CNTNAP2: variants seen among roughly 807,000 people sequenced by gnomAD.
The protein encoded by CNTNAP2 is contactin associated protein 2, also known as contactin-associated protein-like 2.
CNTNAP2 carries 98 observed loss-of-function variants against 155.2 expected under a neutral mutation model. That is an observed-to-expected ratio of 0.63 (90% CI 0.54 to 0.75). The LOEUF (loss-of-function observed/expected upper bound fraction) is 0.75. CNTNAP2 is among the 30% of genes least tolerant of loss of function. CNTNAP2 has a pLI of 0.00. For missense variants in CNTNAP2, 1,727 were observed against 1,688.1 expected (o/e 1.02, Z -0.40); for synonymous variants, 651 against 631.2 (o/e 1.03, Z -0.47).
intron 10 of CNTNAP2, among the ~76,000 whole-genome samples, chr7:147,423,733 C>A (rs974585423): frequency 2.0e-5 from 3 of 152,150 alleles, no homozygotes; most frequent in Admixed American, 6.5e-5. Context: ...CCAAGATCAT[C>A]TCCTGGAACT....
At chr7:148,266,953 T>A in intron 20 of CNTNAP2, 80 bp from the exon 21 acceptor site, 3 of 1,275,734 alleles carry the variant, frequency 2.4e-6, no homozygotes, top group Non-Finnish European at 3.4e-6. Flanking sequence ...CAAAGAGTGA[T>A]GTCATCCCCA....
At chr7:146,926,461 G>A (rs769737860) in intron 3 of CNTNAP2, among the ~76,000 whole-genome samples, 4 of 152,068 alleles carry the variant, frequency 2.6e-5, no homozygotes, top group Non-Finnish European at 5.9e-5. Flanking sequence ...GAATTAGACT[G>A]TGAGTTTCCT....
At chr7:146,602,307 A>G (rs1220257714) in intron 1 of CNTNAP2, among the ~76,000 whole-genome samples, 1 of 152,222 alleles carries the variant, frequency 6.6e-6, no homozygotes, top group East Asian at 1.9e-4. Flanking sequence ...TGCATAGACT[A>G]GGCATGTCAA....
chr7:146,424,824 G>A (rs537809433), intron 1 of CNTNAP2, among the ~76,000 whole-genome samples: 1 of 152,056 alleles, frequency 6.6e-6, no homozygotes, highest in African/African-American at 2.4e-5. Flanking sequence ...AGAGAGAGTA[G>A]AGCCAACATG....
intron 13 of CNTNAP2, among the ~76,000 whole-genome samples, chr7:147,777,482 T>G (rs946031831): frequency 2.0e-5 from 3 of 152,204 alleles, no homozygotes; most frequent in African/African-American, 7.2e-5. Context: ...AGAGCAATCC[T>G]GGGAGCCCGG....
At chr7:147,906,656 C>T (rs181408939) in intron 14 of CNTNAP2, among the ~76,000 whole-genome samples, 2 of 152,164 alleles carry the variant, frequency 1.3e-5, no homozygotes, top group Non-Finnish European at 2.9e-5. Flanking sequence ...GTTGTGATTT[C>T]ACCATGTTGG....
At chr7:147,010,053 A>C (rs533803942) in intron 3 of CNTNAP2, among the ~76,000 whole-genome samples, 4 of 142,670 alleles carry the variant, frequency 2.8e-5, no homozygotes, top group African/African-American at 1.0e-4. Flanking sequence ...TCCATCAACC[A>C]GGCTGGAGTG....
At chr7:146,489,787 TG>T (rs1180964970) in intron 1 of CNTNAP2, among the ~76,000 whole-genome samples, 1 of 152,006 alleles carries the variant, frequency 6.6e-6, no homozygotes, top group Non-Finnish European at 1.5e-5. Flanking sequence ...AGAAGGCACG[TG>T]GGGGTGGTCT....
intron 1 of CNTNAP2, among the ~76,000 whole-genome samples, chr7:146,231,987 G>A (rs1375694862): frequency 6.6e-6 from 1 of 152,074 alleles, no homozygotes; most frequent in African/African-American, 2.4e-5. Context: ...ATATCCTGAA[G>A]GTTAAACAGA....
intron 13 of CNTNAP2, among the ~76,000 whole-genome samples, chr7:147,893,851 G>A (rs112859014): frequency 0.017 from 2,608 of 152,290 alleles, 75 homozygotes; most frequent in African/African-American, 0.057. Context: ...GAAGCTGTCT[G>A]TATTTAAGCC....
Position 147,360,580 on chromosome 7 carries a change from T to A in CNTNAP2, c.1499-35029T>A, listed in dbSNP as rs1584898610. On this transcript the variant is annotated intron_variant, in intron 9 of 23. Coordinates refer to ENST00000361727, the MANE Select transcript of CNTNAP2 (RefSeq NM_014141.6). ...TATCTAAGGCATTCATGGTGCTTTT[T>A]TCACTCTTTATATATCCTCAGTGTA... Among the ~76,000 whole-genome samples the A allele has an allele frequency of 3.9e-5, 6 of 152,284 alleles. No individual in the cohort carries two copies. In the East Asian group the frequency reaches 1.2e-3, roughly 29 times the overall value.
At chr7:147,892,550 A>T (rs1245621296) in intron 13 of CNTNAP2, among the ~76,000 whole-genome samples, 1 of 152,180 alleles carries the variant, frequency 6.6e-6, no homozygotes, top group African/African-American at 2.4e-5. Flanking sequence ...CTATTCTTTA[A>T]TACTGCTCAG....
rs540331269 is a variant in CNTNAP2 at position 146,842,980 on chromosome 7, C to T, written c.402+3076C>T. Among the ~76,000 whole-genome samples, 104 of 138,498 alleles carry T rather than the reference C, an allele frequency of 7.5e-4. 1 individual carries two copies. The highest frequency in any genetic ancestry group is 2.4e-3 in the South Asian group (10 of 4,238). 90.9% of individuals were successfully genotyped at this position (138,498 alleles called of 152,430 possible). On this transcript the variant is annotated intron_variant, in intron 3 of 23. Coordinates refer to ENST00000361727, the MANE Select transcript of CNTNAP2 (RefSeq NM_014141.6). ...GATTACAGGCACGAGCCACCACGCC[C>T]GGCCTGTCCCACACTTTTTTTTTTT...
intron 1 of CNTNAP2, among the ~76,000 whole-genome samples, chr7:146,155,433 A>G (rs908118140): frequency 6.6e-6 from 1 of 152,098 alleles, no homozygotes; most frequent in African/African-American, 2.4e-5. Context: ...TTGGCCTCTC[A>G]TACAATTTTA....
chr7:146,597,334 TA>T lies in CNTNAP2; in HGVS notation c.98-176936del, dbSNP rs548833151. Among the ~76,000 whole-genome samples the T allele has an allele frequency of 5.3e-4, 81 of 152,130 alleles. 1 individual carries two copies. In the South Asian group the frequency reaches 0.011, roughly 21 times the overall value. On this transcript the variant is annotated intron_variant, in intron 1 of 23. Transcript: ENST00000361727. ...CGTGAGCATGTCACCTCTGGTCACGTATCCACAGAGAATAATCTCATTGTTG... is the reference window on the plus strand; with the variant it reads ...CGTGAGCATGTCACCTCTGGTCACGTTCCACAGAGAATAATCTCATTGTTG...
chr7:147,088,980 GAGAA>G (rs1335961754), intron 4 of CNTNAP2, among the ~76,000 whole-genome samples: 1 of 151,298 alleles, frequency 6.6e-6, no homozygotes, highest in Non-Finnish European at 1.5e-5. Context: ...AAGAGAAAGA[GAGAA>G]AGAGAGACAG....
rs117403357 is a variant in CNTNAP2, at chr7:146,189,953, A to G, written c.97+72980A>G. 0.01 allele frequency among the ~76,000 whole-genome samples: 1,545 copies of G among 152,292 alleles called. 46 individuals carry two copies. The East Asian group carries it at 0.11, about 11-fold the overall frequency. On this transcript the variant is annotated intron_variant, in intron 1 of 23. Transcript: ENST00000361727. ...ATATCTAATGTTTCTTTTGCACATG[A>G]TCCCATAAATTACTTTAATGGAGGA...
At chr7:146,569,383 G>A (rs1271279331) in intron 1 of CNTNAP2, among the ~76,000 whole-genome samples, 1 of 152,110 alleles carries the variant, frequency 6.6e-6, no homozygotes, top group Admixed American at 6.6e-5. Context: ...TCTTCACCAT[G>A]GGAATCTTTC....
chr7:146,726,342 T>G (rs766112013), intron 1 of CNTNAP2, among the ~76,000 whole-genome samples: 2 of 152,182 alleles, frequency 1.3e-5, no homozygotes, highest in Non-Finnish European at 2.9e-5. Flanking sequence ...TTCCCAATGC[T>G]TTGAGAAGTA....
Sources: allele counts gnomAD v4.1 joint callset (sites outside exome capture counted in the v4.1 genomes callset), GRCh38; gene constraint gnomAD v4.1.1; transcripts MANE v1.5; gene names NCBI Gene and HGNC (gene_info 2026-07-23, HGNC 2026-07-21).